The following RUBCN variants were observed in gnomAD, a reference collection of about 807,000 sequenced individuals.
RUBCN encodes the protein rubicon autophagy regulator.
RUBCN carries 74 observed loss-of-function variants against 113.2 expected under a neutral mutation model. The observed-to-expected ratio is 0.65, with a 90% CI of 0.54 to 0.79. The LOEUF is 0.79. RUBCN is among the 30% of genes least tolerant of loss of function. The pLI is 0.00. For missense variants in RUBCN, 1,109 were observed against 1,251.7 expected, an observed-to-expected ratio of 0.89 and a Z score of 1.72; for synonymous variants, 480 against 490.0, an observed-to-expected ratio of 0.98 and a Z score of 0.27.
At chr3:197,729,862 C>T (rs1019579431) in intron 1 of RUBCN, among the ~76,000 whole-genome samples, 1 of 152,164 alleles carries the variant, frequency 6.6e-6, no homozygotes, top group Non-Finnish European at 1.5e-5. Flanking sequence ...TCCAGCCAAT[C>T]ACTGAACATC....
At chr3:197,739,398 GA>G (rs67135851), upstream of RUBCN, among the ~76,000 whole-genome samples, 110,699 of 136,350 alleles carry the variant, frequency 0.81, 44,929 homozygotes, top group East Asian at 0.99. Flanking sequence ...TCTGAAAAAA[GA>G]AAAAAAAAAA....
chr3:197,717,316 C>T (rs571793983), intron 2 of RUBCN, among the ~76,000 whole-genome samples: 30 of 150,792 alleles, frequency 2.0e-4, no homozygotes, highest in Middle Eastern at 3.6e-3. Flanking sequence ...TGGTGGCGGG[C>T]GCCTGTAGTC....
rs1458935582 is a variant in RUBCN at position 197,704,708 on chromosome 3, A to G, written c.304-7T>C. The G allele has an allele frequency of 1.2e-6, 2 of 1,613,264 alleles. No individual in the cohort carries two copies. Among genetic ancestry groups the G allele is most frequent in the Non-Finnish European group, 1.7e-6 (2 of 1,179,930 alleles). ...TCTCGTGCACGCTGATGAACTGGGA[A>G]GCAAAGGGGCATGAGTCAAAACACA... On this transcript the variant is annotated splice_polypyrimidine_tract_variant and splice_region_variant and intron_variant, in intron 3 of 19. Coordinates refer to ENST00000296343, the MANE Select transcript of RUBCN (RefSeq NM_014687.4).
intron 1 of RUBCN, among the ~76,000 whole-genome samples, chr3:197,731,149 C>A (rs1727414217): frequency 6.6e-6 from 1 of 151,814 alleles, no homozygotes; most frequent in Non-Finnish European, 1.5e-5. Context: ...CGGCCTTCCG[C>A]AGTGTTTGTG....
chr3:197,700,545 A>G (rs751092691), intron 7 of RUBCN, 68 bp downstream of exon 7: 11 of 1,526,998 alleles, frequency 7.2e-6, no homozygotes, highest in African/African-American at 5.5e-5. Context: ...AAAAGTCCCC[A>G]TAACAAGCCC....
chr3:197,727,736 C>T (rs934101851), intron 1 of RUBCN, among the ~76,000 whole-genome samples: 1 of 152,174 alleles, frequency 6.6e-6, no homozygotes, highest in African/African-American at 2.4e-5. Context: ...ATCTGCTTGA[C>T]GGAATGGAAG....
intron 18 of RUBCN, chr3:197,676,210 G>A (rs1038690631): frequency 1.0e-6 from 1 of 989,558 alleles, no homozygotes; most frequent in Non-Finnish European, 1.2e-6. Context: ...AGAAAATCGA[G>A]GCCTCAGAGG....
chr3:197,739,810 CGG>C (rs1728450885), upstream of RUBCN, among the ~76,000 whole-genome samples: 1 of 152,144 alleles, frequency 6.6e-6, no homozygotes, highest in Non-Finnish European at 1.5e-5. Flanking sequence ...CCCAGGCAGG[CGG>C]GTCACTTGAC....
intron 1 of RUBCN, among the ~76,000 whole-genome samples, chr3:197,742,147 G>A (rs1160739878): frequency 1.3e-5 from 2 of 151,768 alleles, no homozygotes; most frequent in African/African-American, 2.4e-5. Context: ...TGCCCACCTC[G>A]GCCTCCCAAA....
intron 16 of RUBCN, among the ~76,000 whole-genome samples, chr3:197,680,895 T>C: frequency 6.6e-6 from 1 of 150,858 alleles, no homozygotes; most frequent in East Asian, 2.0e-4. Flanking sequence ...AAGTACATAG[T>C]GAGGGCATGA....
rs375179379 is a variant in RUBCN at position 197,681,084 on chromosome 3, G to T, written c.2430+45C>A. ...GAGGGACGAGGGGAGGGGATGAGGG[G>T]AGGAGAAGGGCAAGACTCTAAGGTG... On this transcript the variant is annotated intron_variant, in intron 16 of 19. Transcript: ENST00000296343. This position sits in a 1 kb window ranked among gnomAD's most constrained non-coding sequence, Gnocchi z 5.5. The T allele has an allele frequency of 1.6e-6, 2 of 1,255,226 alleles. No homozygotes were observed. The highest frequency in any genetic ancestry group is 2.3e-6 in the Non-Finnish European group (2 of 856,816). The allele number at this position is 1,255,226 out of a possible 1,614,324, so 77.8% of individuals were successfully genotyped here. A position where few individuals can be genotyped will look rare whatever the true frequency, so the allele number is the denominator to read the frequency against.
At chr3:197,730,259 G>A (rs1160435568) in intron 1 of RUBCN, among the ~76,000 whole-genome samples, 1 of 152,088 alleles carries the variant, frequency 6.6e-6, no homozygotes, top group African/African-American at 2.4e-5. Context: ...CCTCCCTTAG[G>A]ATCCAGGGTT....
chr3:197,677,084 T>C, intron 17 of RUBCN, 46 bp from the exon 18 acceptor site: 1 of 1,571,208 alleles, frequency 6.4e-7, no homozygotes. Context: ...ACAGTGCATG[T>C]GCCACATCGT....
At chr3:197,713,574 T>G (rs1178639486) in intron 2 of RUBCN, among the ~76,000 whole-genome samples, 1 of 152,142 alleles carries the variant, frequency 6.6e-6, no homozygotes, top group Non-Finnish European at 1.5e-5. Flanking sequence ...TTGGTAATGT[T>G]GTGCTCGGGC....
At chr3:197,693,247 G>GC (rs1722631020) in intron 11 of RUBCN, among the ~76,000 whole-genome samples, 1 of 152,182 alleles carries the variant, frequency 6.6e-6, no homozygotes, top group African/African-American at 2.4e-5. Flanking sequence ...AGCACCGACC[G>GC]CAAGGGCAGA....
intron 2 of RUBCN, among the ~76,000 whole-genome samples, chr3:197,711,610 G>A (rs1306293593): frequency 6.6e-6 from 1 of 152,082 alleles, no homozygotes; most frequent in Non-Finnish European, 1.5e-5. Context: ...AAGCTGGGAG[G>A]CTGCCTGAGG....
In RUBCN at chr3:197,677,517, T is replaced by C. The variant is rs1298813849; in HGVS notation, c.2455A>G (p.Met819Val). Residue 819 changes from methionine (M) to valine (V), a missense_variant, in exon 17 of 20, where the codon ATG (methionine) becomes GTG (valine). Met to Val is a conservative substitution (Grantham distance 21, BLOSUM62 1). Transcript: ENST00000296343. ...VRLLRVQLCHMKNMFKTCRLA... is the reference protein window; with the variant it reads ...VRLLRVQLCHVKNMFKTCRLA... ...CGGCAAGTCTTGAACATGTTCTTCA[T>C]GTGACACAGCTGGACCCGCAGCAGC... The C allele has an allele frequency of 6.2e-7, 1 of 1,614,014 alleles. No homozygotes were observed. Among genetic ancestry groups the C allele is most frequent in the African/African-American group, 1.3e-5 (1 of 74,930 alleles).
intron 11 of RUBCN, chr3:197,691,033 C>A: frequency 9.2e-7 from 1 of 1,083,072 alleles, no homozygotes. Flanking sequence ...CATTCTCACA[C>A]ATGCATCTAC....
chr3:197,703,307 A>G (rs1029133579), intron 5 of RUBCN, among the ~76,000 whole-genome samples: 4 of 150,404 alleles, frequency 2.7e-5, no homozygotes, highest in Non-Finnish European at 5.9e-5. Flanking sequence ...CTGAGGCACA[A>G]GAATCGCCTG....
Sources: gnomAD v4.1 joint callset for allele counts (sites outside exome capture counted in the v4.1 genomes callset) on GRCh38, gnomAD v4.1.1 for gene constraint, Gnocchi (gnomAD v3.1) non-coding constraint, MANE v1.5 for transcripts, NCBI Gene and HGNC (gene_info 2026-07-23, HGNC 2026-07-21) for gene names.